The following NHS variants were observed in gnomAD, a reference collection of about 807,000 sequenced individuals.
The protein encoded by NHS is NHS actin remodeling regulator, also known as actin remodeling regulator NHS.
NHS carries 5 observed loss-of-function variants against 72.5 expected under a neutral mutation model. The observed-to-expected ratio is 0.07, with a 90% confidence interval of 0.04 to 0.14. NHS has a LOEUF of 0.14. Among genes scored for constraint, NHS ranks in the 10% least tolerant of loss-of-function variants. NHS has a pLI of 1.00. For synonymous variants in NHS, 464 were observed against 547.7 expected, an observed-to-expected ratio of 0.85 and a Z score of 2.13; for missense variants, 1,072 against 1,355.7, an observed-to-expected ratio of 0.79 and a Z score of 3.29.
At chrX:17,574,913 G>A (rs889893263) in intron 1 of NHS, among the ~76,000 whole-genome samples, 3 of 111,853 alleles carry the variant, frequency 2.7e-5, no homozygotes, top group African/African-American at 9.8e-5. Flanking sequence ...GGAAACTGAG[G>A]CACAGAATGG....
At chrX:17,502,143 T>C (rs1350316782) in intron 1 of NHS, among the ~76,000 whole-genome samples, 1 of 112,014 alleles carries the variant, frequency 8.9e-6, no homozygotes, top group African/African-American at 3.2e-5. Context: ...TCTCCTCCAT[T>C]TTTTTCTTCC....
intron 1 of NHS, among the ~76,000 whole-genome samples, chrX:17,409,132 A>G (rs940781325): frequency 2.7e-5 from 3 of 112,585 alleles, no homozygotes; most frequent in Non-Finnish European, 5.6e-5. Flanking sequence ...GGGCTTCAGC[A>G]TATGAAATTT....
intron 1 of NHS, among the ~76,000 whole-genome samples, chrX:17,526,225 T>C (rs955542538): frequency 8.9e-6 from 1 of 112,604 alleles, no homozygotes; most frequent in African/African-American, 3.2e-5. Flanking sequence ...TCTTAGTCTG[T>C]GGTTGAGCTC....
chrX:17,398,187 G>C (rs751662134), intron 1 of NHS, among the ~76,000 whole-genome samples: 1 of 111,709 alleles, frequency 9.0e-6, no homozygotes, highest in Non-Finnish European at 1.9e-5. Context: ...AGGAATGAGA[G>C]GAAAGCTGAA....
chrX:17,410,102 A>G (rs982671358), intron 1 of NHS, among the ~76,000 whole-genome samples: 1 of 111,122 alleles, frequency 9.0e-6, no homozygotes, highest in African/African-American at 3.3e-5. Flanking sequence ...TAGAGTATAA[A>G]TAACAATAGC....
At chrX:17,616,101 C>T (rs774417133) in intron 1 of NHS, among the ~76,000 whole-genome samples, 4 of 112,240 alleles carry the variant, frequency 3.6e-5, no homozygotes, top group South Asian at 3.7e-4. Context: ...ACAGAGTGAG[C>T]GATATCCCTG....
chrX:17,475,812 C>T (rs1451127932), intron 1 of NHS, among the ~76,000 whole-genome samples: 1 of 112,286 alleles, frequency 8.9e-6, no homozygotes, highest in East Asian at 2.8e-4. Context: ...CTTCCAGCTA[C>T]CTCACTTCCC....
At chrX:17,637,443 TG>T (rs1325856475) in intron 1 of NHS, among the ~76,000 whole-genome samples, 1 of 111,244 alleles carries the variant, frequency 9.0e-6, no homozygotes, top group Non-Finnish European at 1.9e-5. Flanking sequence ...TCAACTTTTT[TG>T]AAGCTGCTGG....
chrX:17,725,842 G>A lies in NHS; in HGVS notation c.1736G>A (p.Arg579Lys). Residue 579 changes from arginine to lysine, a missense_variant, in exon 7 of 9, where the codon AGG (arginine) becomes AAG (lysine). Coordinates refer to ENST00000676302, the MANE Select transcript of NHS (RefSeq NM_001291867.2). ...AGCCCCCAGCACAAATTAAGTGAGA[G>A]GGGAAGGTCACGTCTGTCCCGAATG... ...LHSPQHKLSE[R>K]GRSRLSRMAA... 8.3e-7 allele frequency: 1 copy of A among 1,211,740 alleles called. No homozygotes were observed. The highest frequency in any genetic ancestry group is 1.8e-5 in the South Asian group (1 of 56,969).
chrX:17,481,455 A>T (rs1356747002), intron 1 of NHS, among the ~76,000 whole-genome samples: 2 of 111,502 alleles, frequency 1.8e-5, no homozygotes, highest in Non-Finnish European at 3.8e-5. Flanking sequence ...ACAGGCAGCC[A>T]CAAATTAATT....
intron 1 of NHS, among the ~76,000 whole-genome samples, chrX:17,661,685 A>G (rs1399677898): frequency 9.0e-6 from 1 of 111,361 alleles, no homozygotes; most frequent in African/African-American, 3.3e-5. Flanking sequence ...TGCAGTGGCT[A>G]CTTTGATTCA....
chrX:17,534,971 G>A (rs2065216288), intron 1 of NHS, among the ~76,000 whole-genome samples: 1 of 111,975 alleles, frequency 8.9e-6, no homozygotes, highest in Non-Finnish European at 1.9e-5. Flanking sequence ...GATGAGAGCT[G>A]GAGAATCAAT....
rs781637756 is a variant in NHS at position 17,551,503 on chromosome X, G to A, written c.566-136239G>A. ...TGCACCTAGGCTGGCCAAAGCTGCC[G>A]TGTCAGATCTTCCTCCCGTAAACAC... On this transcript the variant is annotated intron_variant, in intron 1 of 8. Coordinates refer to ENST00000676302, the MANE Select transcript of NHS (RefSeq NM_001291867.2). Among the ~76,000 whole-genome samples, 95 of 112,087 alleles carry A rather than the reference G, an allele frequency of 8.5e-4. 1 individual carries two copies. The highest frequency in any genetic ancestry group is 2.6e-3 in the African/African-American group (79 of 30,794).
intron 1 of NHS, among the ~76,000 whole-genome samples, chrX:17,555,765 G>T (rs1349937860): frequency 2.7e-5 from 3 of 111,538 alleles, no homozygotes. Context: ...TGCCTGGATT[G>T]CCCCATACTC....
At chrX:17,707,804 C>T (rs1456128989) in intron 3 of NHS, among the ~76,000 whole-genome samples, 1 of 111,097 alleles carries the variant, frequency 9.0e-6, no homozygotes, top group Non-Finnish European at 1.9e-5. Flanking sequence ...GTTTTCTTTC[C>T]CATCCCCAGC....
At chrX:17,440,672 T>C (rs1442129301) in intron 1 of NHS, among the ~76,000 whole-genome samples, 1 of 111,924 alleles carries the variant, frequency 8.9e-6, no homozygotes, top group African/African-American at 3.2e-5. Flanking sequence ...GAAAAAAGTT[T>C]GGAAGTTTGG....
intron 1 of NHS, among the ~76,000 whole-genome samples, chrX:17,405,812 G>A (rs2064526627): frequency 8.9e-6 from 1 of 111,765 alleles, no homozygotes; most frequent in Non-Finnish European, 1.9e-5. Flanking sequence ...TCCCTCCCCT[G>A]CCTGAGAGAG....
intron 1 of NHS, among the ~76,000 whole-genome samples, chrX:17,417,091 TACACACACACACAC>T (rs753132773): frequency 1.0e-5 from 1 of 97,996 alleles, no homozygotes; most frequent in Admixed American, 1.1e-4. Flanking sequence ...GAAAACAGAA[TACACACACACACAC>T]ACACACACAC....
chrX:17,526,986 A>G lies in NHS; in HGVS notation c.565+150664A>G, dbSNP rs570998018. 4.4e-4 allele frequency among the ~76,000 whole-genome samples: 49 copies of G among 112,539 alleles called. 1 individual carries two copies. The South Asian group carries it at 7.4e-3, about 17-fold the overall frequency. Reference sequence around the variant, plus strand: ...TTGTGCAAAACATATAATCAAGTGAAGGAATTTAAATAAAATACCCCCAGC... The same window carrying G: ...TTGTGCAAAACATATAATCAAGTGAGGGAATTTAAATAAAATACCCCCAGC... On this transcript the variant is annotated intron_variant, in intron 1 of 8. Transcript: ENST00000676302.
Sources: gnomAD v4.1 joint callset for allele counts (sites outside exome capture counted in the v4.1 genomes callset) on GRCh38, gnomAD v4.1.1 for gene constraint, MANE v1.5 for transcripts, NCBI Gene and HGNC (gene_info 2026-07-23, HGNC 2026-07-21) for gene names.